Variants in GAREM1 observed in about 807,000 individuals in gnomAD.
The protein encoded by GAREM1 is GRB2-associated and regulator of MAPK protein 1.
GAREM1 carries 26 observed loss-of-function variants against 71.3 expected under a neutral mutation model. The ratio of observed to expected loss-of-function variants is 0.36; its 90% CI spans 0.27 to 0.51. The LOEUF (loss-of-function observed/expected upper bound fraction) is 0.51. GAREM1 is among the 20% of genes least tolerant of loss of function. The probability of loss-of-function intolerance (pLI) is 0.95; values close to 1 mark genes in which losing one functional copy is unlikely to be tolerated. For missense variants in GAREM1, 1,026 were observed against 1,103.1 expected, an observed-to-expected ratio of 0.93 and a Z score of 0.99; for synonymous variants, 440 against 433.2, an observed-to-expected ratio of 1.02 and a Z score of -0.20.
At chr18:32,378,057 T>TGTGTGTGTGTGTGTGTGTGCGCGC (rs1293817110) in intron 2 of GAREM1, among the ~76,000 whole-genome samples, 6 of 127,524 alleles carry the variant, frequency 4.7e-5, no homozygotes, top group African/African-American at 1.8e-4. Context: ...TGTGTGTGTG[T>TGTGTGTGTGTGTGTGTGTGCGCGC]GCGCGCGGGC....
At chr18:32,371,869 G>C (rs2047983352) in intron 2 of GAREM1, among the ~76,000 whole-genome samples, 2 of 152,162 alleles carry the variant, frequency 1.3e-5, no homozygotes, top group African/African-American at 4.8e-5. Flanking sequence ...GGCCCAGCTA[G>C]GTCAGGGCTG....
At chr18:32,378,542 C>T (rs1053331966) in intron 2 of GAREM1, among the ~76,000 whole-genome samples, 5 of 151,748 alleles carry the variant, frequency 3.3e-5, no homozygotes, top group South Asian at 2.1e-4. Flanking sequence ...TTTCCCAAGC[C>T]CATTTACACC....
In GAREM1 at chr18:32,377,627, G is replaced by A. The variant is rs542137418; in HGVS notation, c.262+15268C>T. 3.3e-5 allele frequency among the ~76,000 whole-genome samples: 5 copies of A among 152,260 alleles called. No homozygotes were observed. The South Asian group carries it at 6.2e-4, about 19-fold the overall frequency. On this transcript the variant is annotated intron_variant, in intron 2 of 5. Transcript: ENST00000269209. ...CGCCCAGGCTGGAGTGCAGTGGCGC[G>A]ATCTCAGCTCATTGCAACCTCTGCC...
Position 32,287,112 on chromosome 18 carries a change from G to C in GAREM1, c.1485C>G (p.Pro495=), listed in dbSNP as rs530439555. ...CTGCTGCTCCCAGAGTCCCAGGGAT[G>C]GGAAGAGGAGAAGTCGCACATTTGG... is the stretch of plus-strand genomic sequence containing the variant. ...VRSKCATSPL[P]IPGTLGAAVK... Residue 495 remains proline, a synonymous_variant, in exon 4 of 6, where the codon CCC becomes CCG. Transcript: ENST00000269209. This position sits in a 1 kb window ranked among gnomAD's most constrained non-coding sequence, Gnocchi z 5.9. 44 of 1,614,166 alleles carry C rather than the reference G, an allele frequency of 2.7e-5. 1 individual carries two copies. In the East Asian group the frequency reaches 8.7e-4, roughly 32 times the overall value.
intron 1 of GAREM1, among the ~76,000 whole-genome samples, chr18:32,432,926 T>C (rs753235901): frequency 3.3e-5 from 5 of 152,054 alleles, no homozygotes; most frequent in Non-Finnish European, 5.9e-5. Flanking sequence ...AACAGGACAC[T>C]TCCTAACTCA....
intron 1 of GAREM1, among the ~76,000 whole-genome samples, chr18:32,419,307 A>G (rs1401916978): frequency 6.6e-6 from 1 of 152,142 alleles, no homozygotes; most frequent in Non-Finnish European, 1.5e-5. Flanking sequence ...TCCATGGATA[A>G]TAAGCTGAAT....
chr18:32,345,962 CAATT>C (rs1223451877), intron 2 of GAREM1, among the ~76,000 whole-genome samples: 4 of 152,052 alleles, frequency 2.6e-5, no homozygotes, highest in Non-Finnish European at 5.9e-5. Flanking sequence ...AATTTTAAGA[CAATT>C]AAGAATAAAA....
At chr18:32,268,816 A>G in intron 5 of GAREM1, 48 bp from the exon 6 acceptor site, 1 of 1,508,592 alleles carries the variant, frequency 6.6e-7, no homozygotes, top group Non-Finnish European at 9.1e-7. Context: ...AAAAAAGCCA[A>G]ATCCCAAGGC....
intron 1 of GAREM1, chr18:32,413,208 C>T (rs999231688): frequency 8.7e-6 from 14 of 1,606,426 alleles, no homozygotes; most frequent in Admixed American, 1.7e-5. Flanking sequence ...TTTAACGATG[C>T]TTCTTCGGCG....
intron 1 of GAREM1, among the ~76,000 whole-genome samples, chr18:32,437,931 T>G (rs2048694733): frequency 6.6e-6 from 1 of 152,220 alleles, no homozygotes; most frequent in Non-Finnish European, 1.5e-5. Context: ...ACTCTCATGA[T>G]GTTCCATCTA....
At chr18:32,447,706 A>C (rs1044562990) in intron 1 of GAREM1, among the ~76,000 whole-genome samples, 1 of 152,120 alleles carries the variant, frequency 6.6e-6, no homozygotes, top group Non-Finnish European at 1.5e-5. Context: ...TTTAGTACTA[A>C]AAGTACCAAA....
At chr18:32,412,528 C>A (rs752025018) in intron 1 of GAREM1, 10 of 1,597,346 alleles carry the variant, frequency 6.3e-6, no homozygotes, top group Non-Finnish European at 8.5e-6. Flanking sequence ...CCTCCATGAC[C>A]GAAGTTGTCA....
At chr18:32,430,683 A>T (rs1181910005) in intron 1 of GAREM1, among the ~76,000 whole-genome samples, 1 of 152,264 alleles carries the variant, frequency 6.6e-6, no homozygotes, top group Non-Finnish European at 1.5e-5. Context: ...GCATCACATC[A>T]GGGTCTTCAA....
At chr18:32,329,445 C>T (rs527886409) in intron 2 of GAREM1, among the ~76,000 whole-genome samples, 17 of 151,858 alleles carry the variant, frequency 1.1e-4, no homozygotes, top group African/African-American at 3.4e-4. Flanking sequence ...TAGTCGCTCA[C>T]GCCTACAATC....
intron 1 of GAREM1, among the ~76,000 whole-genome samples, chr18:32,458,895 A>G (rs2048925763): frequency 6.6e-6 from 1 of 152,116 alleles, no homozygotes; most frequent in Non-Finnish European, 1.5e-5. Context: ...CATTCTAAAA[A>G]TAACGAATTT....
At chr18:32,340,267 C>G (rs902381342) in intron 2 of GAREM1, among the ~76,000 whole-genome samples, 21 of 152,156 alleles carry the variant, frequency 1.4e-4, no homozygotes, top group African/African-American at 4.8e-4. Flanking sequence ...TGATGGGTGT[C>G]AGTTATTAAA....
At chr18:32,341,423 G>A (rs1477765894) in intron 2 of GAREM1, among the ~76,000 whole-genome samples, 2 of 152,110 alleles carry the variant, frequency 1.3e-5, no homozygotes, top group African/African-American at 4.8e-5. Flanking sequence ...ATTGTGAATA[G>A]TGTCACAATA....
chr18:32,382,596 C>T (rs547565877), intron 2 of GAREM1, among the ~76,000 whole-genome samples: 1 of 151,834 alleles, frequency 6.6e-6, no homozygotes, highest in Non-Finnish European at 1.5e-5. Context: ...TTTATACTCA[C>T]GTGGGAAACA....
rs768542166 is a variant in GAREM1, at chr18:32,287,516, G to A, written c.1081C>T (p.Arg361Trp). The change falls in exon 4 of 6, where the codon CGG becomes TGG. Residue 361 changes from arginine to tryptophan, a missense_variant. This residue lies in a region of GAREM1 where 218 missense variants were observed against 296.8 expected (regional missense o/e 0.73). Coordinates refer to ENST00000269209, the MANE Select transcript of GAREM1 (RefSeq NM_001242409.2). The surrounding 1 kb of genome is among the most constrained non-coding windows in gnomAD (Gnocchi z 5.9). ...GGCACGTGGTTGTGGCCAGAGCACC[G>A]ACCCTTCTTGGGGCTCTTGCATTCT... ...NEECKSPKKG[R>W]CSGHNHVPNS... The A allele has an allele frequency of 3.7e-6, 6 of 1,614,174 alleles. No individual in the cohort carries two copies. Among genetic ancestry groups the A allele is most frequent in the South Asian group, 1.1e-5 (1 of 91,066 alleles).
Sources: allele counts gnomAD v4.1 joint callset (sites outside exome capture counted in the v4.1 genomes callset), GRCh38; gene constraint gnomAD v4.1.1; regional missense constraint gnomAD v4.1.1; non-coding constraint Gnocchi (gnomAD v3.1); transcripts MANE v1.5; gene names NCBI Gene and HGNC (gene_info 2026-07-23, HGNC 2026-07-21).